The following SH3KBP1 variants were observed in gnomAD, a reference collection of about 807,000 sequenced individuals.
SH3KBP1 encodes the protein SH3 domain-containing kinase-binding protein 1.
A neutral mutation model predicts 50.1 loss-of-function variants in SH3KBP1; 8 were observed. The observed-to-expected ratio is 0.16, with a 90% CI of 0.09 to 0.29. The LOEUF is 0.29. Ranked by LOEUF, SH3KBP1 falls within the 10% of genes least tolerant of loss-of-function variation. The pLI is 1.00. For synonymous variants in SH3KBP1, 227 were observed against 218.6 expected, an observed-to-expected ratio of 1.04 and a Z score of -0.34; for missense variants, 377 against 535.2, an observed-to-expected ratio of 0.70 and a Z score of 2.92.
intron 12 of SH3KBP1, among the ~76,000 whole-genome samples, chrX:19,584,154 A>AATATATTTATATATATTTAT (rs1321739256): frequency 1.1e-5 from 1 of 94,097 alleles, no homozygotes; most frequent in African/African-American, 3.9e-5. Flanking sequence ...ATTTATATAT[A>AATATATTTATATATATTTAT]ATATATTTAT....
Position 19,553,362 on chromosome X carries a change from G to A in SH3KBP1, c.1385-3279C>T, listed in dbSNP as rs888271920. On this transcript the variant is annotated intron_variant, in intron 13 of 17. Coordinates refer to ENST00000397821, the MANE Select transcript of SH3KBP1 (RefSeq NM_031892.3). Reference sequence around the variant, plus strand: ...CAGTTTAGGATTTCAGAATGTGTGAGGTGGCAGTCTGTAATGAGTTATACT... The same window carrying A: ...CAGTTTAGGATTTCAGAATGTGTGAAGTGGCAGTCTGTAATGAGTTATACT... 3.6e-5 allele frequency among the ~76,000 whole-genome samples: 4 copies of A among 111,431 alleles called. No individual in the cohort carries two copies. The Admixed American group carries it at 3.8e-4, about 11-fold the overall frequency.
chrX:19,831,198 C>G (rs1391758008), intron 2 of SH3KBP1, among the ~76,000 whole-genome samples: 3 of 111,596 alleles, frequency 2.7e-5, no homozygotes, highest in Non-Finnish European at 5.7e-5. Context: ...GGGAGGATCA[C>G]TTGAGGCCAG....
intron 12 of SH3KBP1, among the ~76,000 whole-genome samples, chrX:19,585,081 C>T (rs1234003254): frequency 8.9e-6 from 1 of 112,183 alleles, no homozygotes; most frequent in East Asian, 2.8e-4. Context: ...TCAATGTAAT[C>T]GCTTAGCAAA....
At chrX:19,639,391 C>G (rs1016921850) in intron 7 of SH3KBP1, among the ~76,000 whole-genome samples, 1 of 111,217 alleles carries the variant, frequency 9.0e-6, no homozygotes, top group Admixed American at 9.5e-5. Context: ...CTTCTTGTCT[C>G]TACAATGCAG....
intron 9 of SH3KBP1, among the ~76,000 whole-genome samples, chrX:19,603,418 G>A (rs2067151013): frequency 8.9e-6 from 1 of 112,195 alleles, no homozygotes; most frequent in African/African-American, 3.2e-5. Context: ...TGATGAGTAA[G>A]CTGGCTGCCT....
rs189742232 is a variant in SH3KBP1, at chrX:19,550,642, T to C, written c.1385-559A>G. Among the ~76,000 whole-genome samples, 31 of 111,151 alleles carry C rather than the reference T, an allele frequency of 2.8e-4. No homozygotes were observed. The East Asian group carries it at 8.3e-3, about 30-fold the overall frequency. On this transcript the variant is annotated intron_variant, in intron 13 of 17. Transcript: ENST00000397821. ...ACAGCCTGTGGGAAACACATATCTC[T>C]CTCTGTCCAGAGAGAGGCAAGTGAG...
chrX:19,537,729 C>T lies in SH3KBP1; in HGVS notation c.1944G>A (p.Arg648=), dbSNP rs769338873. The part of the protein sequence containing the change: ...LSELDEEKKI[R]LRLQMEVNDI... Reference sequence around the variant, plus strand: ...CAAAGGGACGCACCTGCAACCGAAGCCGGATTTTCTTCTCTTCATCCAACT... The same window carrying T: ...CAAAGGGACGCACCTGCAACCGAAGTCGGATTTTCTTCTCTTCATCCAACT... The change falls in exon 17 of 18, where the codon CGG becomes CGA. Residue 648 remains arginine (R), a synonymous_variant. Transcript: ENST00000397821. The T allele has an allele frequency of 5.0e-6, 6 of 1,209,267 alleles. No individual in the cohort carries two copies. Among genetic ancestry groups the T allele is most frequent in the Middle Eastern group, 2.3e-4 (1 of 4,352 alleles).
In SH3KBP1 at chrX:19,605,174, C is replaced by A. The variant is rs1445588167; in HGVS notation, c.1005+2764G>T. Among the ~76,000 whole-genome samples the A allele has an allele frequency of 2.7e-5, 3 of 110,556 alleles. No individual in the cohort carries two copies. In the Admixed American group the frequency reaches 2.9e-4, roughly 11 times the overall value. On this transcript the variant is annotated intron_variant, in intron 9 of 17. Coordinates refer to ENST00000397821, the MANE Select transcript of SH3KBP1 (RefSeq NM_031892.3). Reference sequence around the variant, plus strand: ...CCTGAGTGAATTTACTGCCCCCCCCCAAGACATGACTGGGAATTAGAAGGC... The same window carrying A: ...CCTGAGTGAATTTACTGCCCCCCCCAAAGACATGACTGGGAATTAGAAGGC...
At chrX:19,812,361 A>G (rs1218029429) in intron 2 of SH3KBP1, among the ~76,000 whole-genome samples, 1 of 110,493 alleles carries the variant, frequency 9.1e-6, no homozygotes, top group African/African-American at 3.3e-5. Context: ...CTCTCCCTGA[A>G]CTCTCCTCAA....
intron 13 of SH3KBP1, among the ~76,000 whole-genome samples, chrX:19,558,791 G>T (rs1444805594): frequency 8.9e-6 from 1 of 111,928 alleles, no homozygotes; most frequent in African/African-American, 3.3e-5. Context: ...CAAATGATCA[G>T]AACACATTTT....
At chrX:19,791,773 A>T (rs2066538803) in intron 2 of SH3KBP1, among the ~76,000 whole-genome samples, 1 of 111,619 alleles carries the variant, frequency 9.0e-6, no homozygotes, top group African/African-American at 3.3e-5. Flanking sequence ...AGCCTGACAC[A>T]GTTAAGACTG....
chrX:19,694,967 T>C, intron 5 of SH3KBP1: 1 of 1,167,985 alleles, frequency 8.6e-7, no homozygotes, highest in Non-Finnish European at 1.2e-6. Flanking sequence ...GGTTAGTGAC[T>C]GGGAGAACGA....
chrX:19,809,502 G>T (rs944127582), intron 2 of SH3KBP1, among the ~76,000 whole-genome samples: 2 of 109,873 alleles, frequency 1.8e-5, no homozygotes, highest in African/African-American at 6.7e-5. Context: ...CCAGCCTGGC[G>T]ACAGAGCAAG....
At chrX:19,553,133 A>G (rs755185824) in intron 13 of SH3KBP1, among the ~76,000 whole-genome samples, 2 of 111,456 alleles carry the variant, frequency 1.8e-5, no homozygotes, top group Non-Finnish European at 3.8e-5. Context: ...GTGACCCAGC[A>G]TAACAGTGGG....
At chrX:19,554,140 T>TATA (rs777493111) in intron 13 of SH3KBP1, among the ~76,000 whole-genome samples, 35 of 67,187 alleles carry the variant, frequency 5.2e-4, no homozygotes, top group African/African-American at 2.3e-3. Context: ...CATATTAAAA[T>TATA]ATATTATATA....
At chrX:19,655,855 A>G (rs2062266319) in intron 6 of SH3KBP1, among the ~76,000 whole-genome samples, 1 of 112,037 alleles carries the variant, frequency 8.9e-6, no homozygotes, top group Non-Finnish European at 1.9e-5. Flanking sequence ...AAAATCATTA[A>G]CAGAGCATCA....
At chrX:19,675,322 T>G (rs2062900033) in intron 6 of SH3KBP1, among the ~76,000 whole-genome samples, 1 of 111,004 alleles carries the variant, frequency 9.0e-6, no homozygotes, top group South Asian at 3.7e-4. Context: ...TCAAAAGCAC[T>G]GAGTGGTTAA....
intron 3 of SH3KBP1, among the ~76,000 whole-genome samples, chrX:19,710,257 T>C (rs1011737490): frequency 8.9e-6 from 1 of 112,498 alleles, no homozygotes; most frequent in Admixed American, 9.4e-5. Context: ...AATCATCCAT[T>C]TGTCCAGCGT....
In SH3KBP1 at chrX:19,775,562, A is replaced by G. The variant is rs549677140; in HGVS notation, c.163-29121T>C. Among the ~76,000 whole-genome samples the G allele has an allele frequency of 4.5e-5, 5 of 111,649 alleles. No individual in the cohort carries two copies. The East Asian group carries it at 1.1e-3, about 25-fold the overall frequency. On this transcript the variant is annotated intron_variant, in intron 2 of 17. Coordinates refer to ENST00000397821, the MANE Select transcript of SH3KBP1 (RefSeq NM_031892.3). ...CAGGGAAAATTGAGTGCCAACATTA[A>G]CTCTAAATGGAAGAATTAGTTGTAT...
Sources: allele counts gnomAD v4.1 joint callset (sites outside exome capture counted in the v4.1 genomes callset), GRCh38; gene constraint gnomAD v4.1.1; transcripts MANE v1.5; gene names NCBI Gene and HGNC (gene_info 2026-07-23, HGNC 2026-07-21).